Variants in GALNT13 observed in about 807,000 individuals in gnomAD.
GALNT13 encodes polypeptide N-acetylgalactosaminyltransferase 13.
A neutral mutation model predicts 64.2 loss-of-function variants in GALNT13; 28 were observed. The ratio of observed to expected loss-of-function variants is 0.44; its 90% CI spans 0.32 to 0.60. The LOEUF is 0.60. GALNT13 is among the 20% of genes least tolerant of loss of function. The pLI, the probability that GALNT13 is intolerant of heterozygous loss-of-function variation, is 0.05. For missense variants in GALNT13, 577 were observed against 669.8 expected (o/e 0.86, Z 1.53); for synonymous variants, 214 against 224.6 (o/e 0.95, Z 0.42).
intron 2 of GALNT13, among the ~76,000 whole-genome samples, chr2:153,918,163 ATAAT>A (rs1194987221): frequency 1.3e-5 from 2 of 152,188 alleles, no homozygotes; most frequent in African/African-American, 4.8e-5. Flanking sequence ...CAAGTTTAAA[ATAAT>A]TAATCTGATT....
At chr2:153,566,884 C>T in the GALNT13 span, among the ~76,000 whole-genome samples, 4 of 152,090 alleles carry the variant, frequency 2.6e-5, no homozygotes, top group African/African-American at 9.7e-5. Context: ...TCATAACAAC[C>T]CTATGGAGTC....
chr2:153,218,420 A>T, the GALNT13 span, among the ~76,000 whole-genome samples: 10 of 152,022 alleles, frequency 6.6e-5, no homozygotes, highest in Admixed American at 6.5e-4. Flanking sequence ...AGTCGTTAAG[A>T]GGTTTTTCCT....
At chr2:153,694,876 C>T in the GALNT13 span, among the ~76,000 whole-genome samples, 1 of 152,104 alleles carries the variant, frequency 6.6e-6, no homozygotes, top group African/African-American at 2.4e-5. Context: ...AATATTACAG[C>T]TACTGGTATG....
At chr2:153,770,261 A>G in the GALNT13 span, among the ~76,000 whole-genome samples, 1 of 144,254 alleles carries the variant, frequency 6.9e-6, no homozygotes, top group South Asian at 2.2e-4. Flanking sequence ...TTCCCACCCT[A>G]CCCCTCATTG....
chr2:153,119,233 A>T, the GALNT13 span, among the ~76,000 whole-genome samples: 4 of 152,136 alleles, frequency 2.6e-5, no homozygotes, highest in Non-Finnish European at 5.9e-5. Flanking sequence ...GAACTAATAC[A>T]TAAGTGCACA....
At chr2:153,292,814 C>T in the GALNT13 span, among the ~76,000 whole-genome samples, 1 of 152,084 alleles carries the variant, frequency 6.6e-6, no homozygotes, top group African/African-American at 2.4e-5. Flanking sequence ...CATAACCCCA[C>T]CATCAAAAGA....
intron 3 of GALNT13, among the ~76,000 whole-genome samples, chr2:154,007,242 A>T (rs1696317094): frequency 6.6e-6 from 1 of 152,132 alleles, no homozygotes. Flanking sequence ...CAACAAGAAA[A>T]CAGGGACTTC....
At chr2:153,351,267 C>A in the GALNT13 span, among the ~76,000 whole-genome samples, 1 of 152,126 alleles carries the variant, frequency 6.6e-6, no homozygotes, top group Non-Finnish European at 1.5e-5. Context: ...ATGAACTATA[C>A]AATAACGAGG....
chr2:153,828,294 A>T, the GALNT13 span, among the ~76,000 whole-genome samples: 2 of 152,212 alleles, frequency 1.3e-5, no homozygotes, highest in Non-Finnish European at 2.9e-5. Flanking sequence ...TCCCTTCTGC[A>T]CTGCCCTAGC....
At chr2:154,339,953 A>G (rs1475332811) in intron 9 of GALNT13, among the ~76,000 whole-genome samples, 52 of 152,100 alleles carry the variant, frequency 3.4e-4, no homozygotes, top group Admixed American at 3.4e-3. Context: ...TATATATTTT[A>G]TGTTTTCTAC....
At chr2:153,363,420 C>T in the GALNT13 span, among the ~76,000 whole-genome samples, 12 of 151,954 alleles carry the variant, frequency 7.9e-5, no homozygotes, top group Non-Finnish European at 1.5e-5. Flanking sequence ...CACAAAAAAT[C>T]CTTCAAAGAA....
At chr2:153,735,110 C>T in the GALNT13 span, among the ~76,000 whole-genome samples, 1 of 152,052 alleles carries the variant, frequency 6.6e-6, no homozygotes, top group Non-Finnish European at 1.5e-5. Flanking sequence ...TGTTCCATGC[C>T]TTGTTTGGAG....
At chr2:153,577,424 A>T in the GALNT13 span, among the ~76,000 whole-genome samples, 27 of 151,708 alleles carry the variant, frequency 1.8e-4, no homozygotes, top group African/African-American at 6.5e-4. Context: ...CCAATTAATT[A>T]AAAAAATCCC....
chr2:153,518,075 C>T, the GALNT13 span, among the ~76,000 whole-genome samples: 1 of 152,152 alleles, frequency 6.6e-6, no homozygotes, highest in South Asian at 2.1e-4. Flanking sequence ...AGGACAGTCA[C>T]ACATTTTCTT....
the GALNT13 span, among the ~76,000 whole-genome samples, chr2:153,575,477 C>A: frequency 2.6e-5 from 4 of 152,176 alleles, no homozygotes; most frequent in African/African-American, 9.7e-5. Context: ...CCCAAGGTCC[C>A]ATGTGGGTCC....
chr2:153,170,337 A>T, the GALNT13 span, among the ~76,000 whole-genome samples: 1 of 152,264 alleles, frequency 6.6e-6, no homozygotes, highest in East Asian at 1.9e-4. Flanking sequence ...ATTTTATCCA[A>T]AGAAAGCCAC....
chr2:153,617,315 A>C, the GALNT13 span, among the ~76,000 whole-genome samples: 6 of 152,018 alleles, frequency 3.9e-5, no homozygotes, highest in Non-Finnish European at 8.8e-5. Context: ...CATCTGTTGA[A>C]ATGATCATAT....
At chr2:153,466,959 T>TATA in the GALNT13 span, among the ~76,000 whole-genome samples, 1 of 151,982 alleles carries the variant, frequency 6.6e-6, no homozygotes, top group East Asian at 1.9e-4. Context: ...AGGGGAAATT[T>TATA]ATAATAAGTG....
At chr2:153,417,130 G>A in the GALNT13 span, among the ~76,000 whole-genome samples, 1 of 152,160 alleles carries the variant, frequency 6.6e-6, no homozygotes, top group South Asian at 2.1e-4. Flanking sequence ...CTGGGGAAAA[G>A]CATGGTAGGA....
Sources: gnomAD v4.1 joint callset for allele counts (sites outside exome capture counted in the v4.1 genomes callset) on GRCh38, gnomAD v4.1.1 for gene constraint, MANE v1.5 for transcripts, NCBI Gene and HGNC (gene_info 2026-07-23, HGNC 2026-07-21) for gene names.